The following MGST2 variants were observed in gnomAD, a reference collection of about 807,000 sequenced individuals.
The protein encoded by MGST2 is glutathione peroxidase MGST2.
A neutral mutation model predicts 16.6 loss-of-function variants in MGST2; 9 were observed. The observed-to-expected ratio is 0.54, with a 90% CI of 0.33 to 0.95. The LOEUF (loss-of-function observed/expected upper bound fraction) is 0.95. Ranked by LOEUF, MGST2 falls within the 40% of genes least tolerant of loss-of-function variation. MGST2 has a pLI of 0.03. For synonymous variants in MGST2, 79 were observed against 68.0 expected, an observed-to-expected ratio of 1.16 and a Z score of -0.79; for missense variants, 159 against 175.1, an observed-to-expected ratio of 0.91 and a Z score of 0.52.
chr4:139,727,211 G>T (rs1447801202), intron 5 of MGST2, among the ~76,000 whole-genome samples: 1 of 152,174 alleles, frequency 6.6e-6, no homozygotes, highest in Non-Finnish European at 1.5e-5. Flanking sequence ...AACAGCCTCT[G>T]ACTCGTTGAC....
At chr4:139,676,514 C>G (rs1461141221) in intron 1 of MGST2, among the ~76,000 whole-genome samples, 1 of 152,148 alleles carries the variant, frequency 6.6e-6, no homozygotes, top group East Asian at 1.9e-4. Context: ...GGCAGAAGTC[C>G]TTTCTCTTTG....
At chr4:139,678,719 A>C in intron 2 of MGST2, 77 bp downstream of exon 2, 1 of 1,123,146 alleles carries the variant, frequency 8.9e-7, no homozygotes, top group African/African-American at 1.5e-5. Context: ...GGAAAGGGAT[A>C]TGGAGAAGAC....
At chr4:139,703,731 C>T (rs1727400044) in intron 4 of MGST2, among the ~76,000 whole-genome samples, 195 bp downstream of exon 4, 1 of 152,174 alleles carries the variant, frequency 6.6e-6, no homozygotes, top group Non-Finnish European at 1.5e-5. Context: ...TAAAACTGTG[C>T]ACTGAATGTG....
intron 2 of MGST2, among the ~76,000 whole-genome samples, chr4:139,694,683 T>G (rs1345820087): frequency 6.6e-6 from 1 of 152,236 alleles, no homozygotes; most frequent in Non-Finnish European, 1.5e-5. Flanking sequence ...TCTTTGATTC[T>G]CTGCAATGCA....
chr4:139,667,117 G>T (rs1730399392), intron 1 of MGST2, among the ~76,000 whole-genome samples: 1 of 152,162 alleles, frequency 6.6e-6, no homozygotes, highest in African/African-American at 2.4e-5. Flanking sequence ...ACGATTCACA[G>T]TTGGGCATGG....
chr4:139,704,431 G>C (rs1009496057), downstream of MGST2, among the ~76,000 whole-genome samples: 1 of 152,140 alleles, frequency 6.6e-6, no homozygotes, highest in East Asian at 1.9e-4. Flanking sequence ...TGTGCTGGCC[G>C]TTCCGAGGAC....
At chr4:139,704,282 A>C (rs563643666), downstream of MGST2, 222 of 1,147,942 alleles carry the variant, frequency 1.9e-4, 1 homozygote, top group African/African-American at 3.0e-3. Context: ...CACTTTAGAG[A>C]ATACATTTCC....
In MGST2 at chr4:139,665,863, A is replaced by ACTT. The variant is rs1730302396; in HGVS notation, c.-154_-152dup. 8.1e-6 allele frequency: 6 copies of ACTT among 741,262 alleles called. No individual in the cohort carries two copies. Among genetic ancestry groups the ACTT allele is most frequent in the Non-Finnish European group, 1.4e-5 (6 of 417,718 alleles). 45.9% of individuals were successfully genotyped at this position (741,262 alleles called of 1,614,324 possible). ...AGCCCCAGACCTGCCTGCCTTCCTG[A>ACTT]CTTCTGTTCCAGAGCAAAGGTCATT... On this transcript the variant is annotated 5_prime_UTR_variant, in exon 1 of 5. Coordinates refer to ENST00000265498, the MANE Select transcript of MGST2 (RefSeq NM_002413.5).
chr4:139,696,901 CCT>C (rs1484825116), intron 3 of MGST2, among the ~76,000 whole-genome samples: 2 of 151,942 alleles, frequency 1.3e-5, no homozygotes, highest in Non-Finnish European at 2.9e-5. Flanking sequence ...CTGATAACCC[CCT>C]GATTTAGAGG....
At chr4:139,745,143 G>A (rs529471656), downstream of MGST2, among the ~76,000 whole-genome samples, 13 of 151,558 alleles carry the variant, frequency 8.6e-5, no homozygotes, top group African/African-American at 2.9e-4. Flanking sequence ...AGAGAAGGAA[G>A]GAAGGAGAGC....
In MGST2 at chr4:139,730,805, C is replaced by T; in HGVS notation, c.*49-9407C>T. ...GAGGGTTTTTGAGTGGCACGCATTG[C>T]ATTTCCATAAACGTAGCTTCAAACC... On this transcript the variant is annotated intron_variant, in intron 5 of 5. Coordinates refer to the MGST2 transcript ENST00000616265. 1.1e-5 allele frequency: 8 copies of T among 738,474 alleles called. No individual in the cohort carries two copies. In the South Asian group the frequency reaches 1.5e-4, roughly 14 times the overall value. The allele number at this position is 738,474 out of a possible 1,614,324, so 45.7% of individuals were successfully genotyped here.
At chr4:139,678,773 A>G in intron 2 of MGST2, 131 bp downstream of exon 2, 1 of 765,104 alleles carries the variant, frequency 1.3e-6, no homozygotes, top group Admixed American at 2.0e-5. Flanking sequence ...GTCACTCTTC[A>G]CAGCCAAGAC....
chr4:139,752,167 C>A, the MGST2 span, among the ~76,000 whole-genome samples: 1 of 152,182 alleles, frequency 6.6e-6, no homozygotes, highest in Non-Finnish European at 1.5e-5. Context: ...ATTCCTATTT[C>A]ATTAGCTCTA....
the MGST2 span, among the ~76,000 whole-genome samples, chr4:139,751,599 G>A: frequency 6.6e-6 from 1 of 152,144 alleles, no homozygotes; most frequent in African/African-American, 2.4e-5. Context: ...CAGCTTTTCC[G>A]ATTAGGGATG....
intron 2 of MGST2, among the ~76,000 whole-genome samples, chr4:139,683,213 A>G (rs1445702713): frequency 1.3e-5 from 2 of 152,224 alleles, no homozygotes; most frequent in African/African-American, 2.4e-5. Context: ...TCTGTCAGCT[A>G]GAGCCAGGGA....
At chr4:139,718,691 G>A (rs1728095814) in intron 5 of MGST2, 1 of 152,348 alleles carries the variant, frequency 6.6e-6, no homozygotes, top group Admixed American at 6.5e-5. Flanking sequence ...GGGTCATCAT[G>A]GGGCAGGAGA....
chr4:139,709,710 A>C (rs1261942011), intron 5 of MGST2, among the ~76,000 whole-genome samples: 1 of 152,252 alleles, frequency 6.6e-6, no homozygotes, highest in Non-Finnish European at 1.5e-5. Context: ...GAGAAGTTAA[A>C]ACCTAAAATC....
At chr4:139,684,330 C>T (rs1334735084) in intron 2 of MGST2, among the ~76,000 whole-genome samples, 3 of 152,112 alleles carry the variant, frequency 2.0e-5, no homozygotes, top group Non-Finnish European at 2.9e-5. Context: ...TCCTACAACA[C>T]GTGGGAATTC....
intron 5 of MGST2, among the ~76,000 whole-genome samples, chr4:139,728,941 C>A (rs1170443373): frequency 6.6e-6 from 1 of 152,120 alleles, no homozygotes; most frequent in Non-Finnish European, 1.5e-5. Context: ...TCAGGCACAC[C>A]TGAGATTTCC....
Sources: gnomAD v4.1 joint callset for allele counts (sites outside exome capture counted in the v4.1 genomes callset) on GRCh38, gnomAD v4.1.1 for gene constraint, MANE v1.5 for transcripts, NCBI Gene and HGNC (gene_info 2026-07-23, HGNC 2026-07-21) for gene names.